The following MAMLD1 variants were observed in gnomAD, a reference collection of about 807,000 sequenced individuals.
MAMLD1 encodes the protein mastermind-like domain-containing protein 1.
In MAMLD1, 14 loss-of-function variants were observed where a neutral mutation model predicts 45.0. The observed-to-expected ratio is 0.31, with a 90% CI of 0.21 to 0.49. MAMLD1 has a LOEUF of 0.49. Among genes scored for constraint, MAMLD1 ranks in the 20% least tolerant of loss-of-function variants. The pLI is 0.99. For missense variants in MAMLD1, 543 were observed against 603.6 expected, an observed-to-expected ratio of 0.90 and a Z score of 1.05; for synonymous variants, 254 against 247.8, an observed-to-expected ratio of 1.02 and a Z score of -0.24.
At chrX:150,492,991 A>G (rs1448475521) in intron 5 of MAMLD1, among the ~76,000 whole-genome samples, 2 of 111,636 alleles carry the variant, frequency 1.8e-5, no homozygotes, top group African/African-American at 6.5e-5. Context: ...GCAGAGAATG[A>G]TGTCCCCCTC....
chrX:150,414,467 C>T (rs1353878343), intron 1 of MAMLD1, among the ~76,000 whole-genome samples: 2 of 111,229 alleles, frequency 1.8e-5, no homozygotes, highest in Non-Finnish European at 3.8e-5. Flanking sequence ...TAACACCCTC[C>T]CTTACAGAGA....
At position 150,363,485 on chromosome X, in the gene MAMLD1, C is replaced by G. The variant is rs1008571468; in HGVS notation, c.-109C>G. The stretch of plus-strand genomic sequence containing the variant: ...CAGGCTGCCCGCGCCGGCGGCCGCC[C>G]GCCCCTCGGACACTGCCCCCGCCGC... On this transcript the variant is annotated 5_prime_UTR_variant, in exon 1 of 8. Coordinates refer to ENST00000370401, the MANE Select transcript of MAMLD1 (RefSeq NM_005491.5). The G allele has an allele frequency of 2.0e-5, 2 of 101,618 alleles. No homozygotes were observed. Among genetic ancestry groups the G allele is most frequent in the Non-Finnish European group, 4.3e-5 (2 of 46,113 alleles). The allele number at this position is 101,618 out of a possible 1,213,427, so 8.4% of individuals were successfully genotyped here.
intron 1 of MAMLD1, among the ~76,000 whole-genome samples, chrX:150,405,418 G>A (rs1483663440): frequency 9.0e-6 from 1 of 111,266 alleles, no homozygotes; most frequent in Non-Finnish European, 1.9e-5. Flanking sequence ...GGTGGATGAA[G>A]GAAGGGAGGG....
At chrX:150,368,094 C>G (rs202128056) in intron 1 of MAMLD1, among the ~76,000 whole-genome samples, 30 of 106,107 alleles carry the variant, frequency 2.8e-4, no homozygotes, top group African/African-American at 3.8e-4. Context: ...ATGGCTGGGT[C>G]AAATGGTATT....
chrX:150,469,555 A>T (rs1410318984), intron 3 of MAMLD1, among the ~76,000 whole-genome samples, 190 bp from the exon 4 acceptor site: 3 of 111,331 alleles, frequency 2.7e-5, no homozygotes, highest in African/African-American at 6.5e-5. Flanking sequence ...CTGTTTTATC[A>T]TGCACATTTC....
intron 1 of MAMLD1, among the ~76,000 whole-genome samples, chrX:150,405,929 C>T (rs1256400384): frequency 9.0e-6 from 1 of 111,093 alleles, no homozygotes; most frequent in Non-Finnish European, 1.9e-5. Context: ...GGTCACCAAC[C>T]CTCCCCAGCG....
chrX:150,438,310 C>T (rs1557404361), intron 1 of MAMLD1, among the ~76,000 whole-genome samples: 1 of 112,215 alleles, frequency 8.9e-6, no homozygotes, highest in African/African-American at 3.2e-5. Context: ...TTCCCACCAG[C>T]AATGTTATGA....
chrX:150,450,558 G>A (rs2035629141), intron 2 of MAMLD1, among the ~76,000 whole-genome samples: 1 of 111,815 alleles, frequency 8.9e-6, no homozygotes, highest in Non-Finnish European at 1.9e-5. Context: ...CAGTAAAGTA[G>A]GGTTAATAAC....
At chrX:150,423,907 T>C (rs2034614439) in intron 1 of MAMLD1, among the ~76,000 whole-genome samples, 1 of 112,506 alleles carries the variant, frequency 8.9e-6, no homozygotes, top group Non-Finnish European at 1.9e-5. Context: ...GAAAAGATGA[T>C]GCTAAACAAG....
rs186384797 is a variant in MAMLD1 at position 150,440,495 on chromosome X, C to A, written c.-63-4959C>A. On this transcript the variant is annotated intron_variant, in intron 1 of 7. Coordinates refer to ENST00000370401, the MANE Select transcript of MAMLD1 (RefSeq NM_005491.5). ...TGAGGTCATCTGGGCTTAAAGTTTTCATTTCAGATTTTTAAATTATGAATT... is the reference window on the plus strand; with the variant it reads ...TGAGGTCATCTGGGCTTAAAGTTTTAATTTCAGATTTTTAAATTATGAATT... Among the ~76,000 whole-genome samples the A allele has an allele frequency of 2.7e-5, 3 of 110,670 alleles. No individual in the cohort carries two copies. In the East Asian group the frequency reaches 8.4e-4, roughly 31 times the overall value.
At chrX:150,439,684 C>T (rs1010717665) in intron 1 of MAMLD1, among the ~76,000 whole-genome samples, 2 of 111,905 alleles carry the variant, frequency 1.8e-5, no homozygotes, top group Non-Finnish European at 3.8e-5. Flanking sequence ...CCTGTAATCC[C>T]AGCACTTTGG....
intron 1 of MAMLD1, among the ~76,000 whole-genome samples, chrX:150,380,965 A>C (rs147950620): frequency 9.1e-6 from 1 of 110,209 alleles, no homozygotes; most frequent in Non-Finnish European, 1.9e-5. Flanking sequence ...GCCTTCCAAA[A>C]TGCTGGGATT....
At chrX:150,431,093 C>A (rs2034924368) in intron 1 of MAMLD1, among the ~76,000 whole-genome samples, 1 of 112,104 alleles carries the variant, frequency 8.9e-6, no homozygotes, top group South Asian at 3.7e-4. Context: ...TACTCCATTT[C>A]TTTAATTCTT....
intron 1 of MAMLD1, among the ~76,000 whole-genome samples, chrX:150,407,195 T>C (rs1293616757): frequency 3.6e-5 from 4 of 112,327 alleles, no homozygotes; most frequent in African/African-American, 1.3e-4. Flanking sequence ...GTTATTAACA[T>C]ATTAACAAAA....
Position 150,491,585 on chromosome X carries a change from G to A in MAMLD1, c.2041-11689G>A, listed in dbSNP as rs186593463. Among the ~76,000 whole-genome samples the A allele has an allele frequency of 1.4e-3, 156 of 112,392 alleles. 1 individual carries two copies. The highest frequency in any genetic ancestry group is 0.013 in the Admixed American group (141 of 10,625). Reference sequence around the variant, plus strand: ...TAGAAGGTCTTTTCAAGGAATGGAGGACCACAAAGAAGCAGGCAGCTCTGG... The same window carrying A: ...TAGAAGGTCTTTTCAAGGAATGGAGAACCACAAAGAAGCAGGCAGCTCTGG... On this transcript the variant is annotated intron_variant, in intron 5 of 7. Transcript: ENST00000370401.
intron 5 of MAMLD1, among the ~76,000 whole-genome samples, chrX:150,494,052 A>C (rs2037276531): frequency 8.9e-6 from 1 of 111,770 alleles, no homozygotes; most frequent in South Asian, 3.7e-4. Flanking sequence ...TGTGGAATAT[A>C]ACATTGATGC....
At chrX:150,504,203 G>A in intron 6 of MAMLD1, 1 of 753,968 alleles carries the variant, frequency 1.3e-6, no homozygotes, top group Non-Finnish European at 1.6e-6. Flanking sequence ...CGCATCAGTG[G>A]TCATGAGAGC....
At chrX:150,391,433 A>G (rs2033175830) in intron 1 of MAMLD1, among the ~76,000 whole-genome samples, 2 of 111,262 alleles carry the variant, frequency 1.8e-5, no homozygotes, top group Admixed American at 1.9e-4. Context: ...GGTGAATTAT[A>G]CTGATGTGTC....
chrX:150,471,636 C>T, intron 4 of MAMLD1, 146 bp downstream of exon 4: 1 of 956,094 alleles, frequency 1.0e-6, no homozygotes, highest in Non-Finnish European at 1.5e-6. Flanking sequence ...CTACTGAAGT[C>T]AGCTAATCCT....
Sources: gnomAD v4.1 joint callset for allele counts (sites outside exome capture counted in the v4.1 genomes callset) on GRCh38, gnomAD v4.1.1 for gene constraint, MANE v1.5 for transcripts, NCBI Gene and HGNC (gene_info 2026-07-23, HGNC 2026-07-21) for gene names.